The following PVT1 variants were observed in gnomAD, a reference collection of about 807,000 sequenced individuals.
PVT1 encodes the protein CXCR4/PVT1 fusion.
intron 3 of PVT1, among the ~76,000 whole-genome samples, chr8:127,905,722 T>A (rs182327443): frequency 9.2e-5 from 14 of 152,358 alleles, no homozygotes; most frequent in Admixed American, 3.9e-4. Flanking sequence ...TGTGAGGTTG[T>A]TGCTGTCACC....
intron 5 of PVT1, among the ~76,000 whole-genome samples, chr8:128,085,441 A>T (rs949514861): frequency 6.6e-6 from 1 of 152,200 alleles, no homozygotes; most frequent in Admixed American, 6.5e-5. Flanking sequence ...TAGTAATGAG[A>T]ACCCCACCTT....
At chr8:128,027,329 TC>T (rs1813315403) in intron 4 of PVT1, among the ~76,000 whole-genome samples, 1 of 152,136 alleles carries the variant, frequency 6.6e-6, no homozygotes, top group Non-Finnish European at 1.5e-5. Context: ...CTGTTTGAGG[TC>T]CCTGGAGAGT....
chr8:127,864,467 A>C (rs1246758439), intron 2 of PVT1, among the ~76,000 whole-genome samples: 1 of 151,780 alleles, frequency 6.6e-6, no homozygotes, highest in Non-Finnish European at 1.5e-5. Context: ...ATAAATGTTG[A>C]TTTCTCTCCC....
At chr8:127,912,110 C>T (rs970199246) in intron 3 of PVT1, among the ~76,000 whole-genome samples, 13 of 152,302 alleles carry the variant, frequency 8.5e-5, no homozygotes, top group African/African-American at 3.1e-4. Context: ...TTCTCCAGAT[C>T]CCACATGTGA....
At chr8:127,873,143 G>A (rs982667555) in intron 2 of PVT1, among the ~76,000 whole-genome samples, 23 of 152,164 alleles carry the variant, frequency 1.5e-4, no homozygotes, top group Admixed American at 2.6e-4. Flanking sequence ...CCCAAGACAA[G>A]GGCCTGCCTC....
At chr8:127,800,007 A>G (rs1428053899) in intron 2 of PVT1, among the ~76,000 whole-genome samples, 2 of 152,194 alleles carry the variant, frequency 1.3e-5, no homozygotes, top group African/African-American at 4.8e-5. Context: ...TGTCCCTCGG[A>G]TGTCAGACTG....
chr8:127,845,096 T>C (rs1815017710), intron 2 of PVT1, among the ~76,000 whole-genome samples: 1 of 152,072 alleles, frequency 6.6e-6, no homozygotes, highest in Admixed American at 6.6e-5. Flanking sequence ...GTGTTGGTTG[T>C]AGTAGTGGGG....
At chr8:128,098,128 C>T (rs982973410) in intron 6 of PVT1, among the ~76,000 whole-genome samples, 3 of 152,234 alleles carry the variant, frequency 2.0e-5, no homozygotes, top group Admixed American at 6.5e-5. Context: ...GCCTTCCCCC[C>T]GCCCCACCAT....
chr8:127,934,798 G>C (rs867386615), intron 3 of PVT1, among the ~76,000 whole-genome samples: 1 of 152,078 alleles, frequency 6.6e-6, no homozygotes, highest in Non-Finnish European at 1.5e-5. Flanking sequence ...ATGGTTTTTC[G>C]GAGGGCCTGG....
intron 3 of PVT1, among the ~76,000 whole-genome samples, chr8:127,973,488 A>G (rs1232044895): frequency 6.6e-6 from 1 of 152,154 alleles, no homozygotes; most frequent in East Asian, 1.9e-4. Flanking sequence ...AGTCAGAACT[A>G]GACTTAGGTC....
intron 4 of PVT1, among the ~76,000 whole-genome samples, chr8:128,020,397 A>G (rs866276909): frequency 6.6e-6 from 1 of 152,220 alleles, no homozygotes; most frequent in African/African-American, 2.4e-5. Flanking sequence ...GACTGTGATC[A>G]AGAAAATGCC....
intron 3 of PVT1, among the ~76,000 whole-genome samples, chr8:127,924,340 T>C (rs1178616424): frequency 6.6e-6 from 1 of 152,138 alleles, no homozygotes; most frequent in Non-Finnish European, 1.5e-5. Flanking sequence ...ATTTTTTTTG[T>C]TTGTTTGTTT....
At chr8:127,832,082 C>A (rs566768344) in intron 2 of PVT1, among the ~76,000 whole-genome samples, 3 of 152,046 alleles carry the variant, frequency 2.0e-5, no homozygotes, top group African/African-American at 7.2e-5. Context: ...AACTTAAAAA[C>A]GTCAAGTGTT....
intron 4 of PVT1, among the ~76,000 whole-genome samples, chr8:128,063,656 TA>T (rs773691952): frequency 6.9e-4 from 105 of 152,204 alleles, no homozygotes; most frequent in Non-Finnish European, 9.6e-4. Context: ...ATGTGAAATC[TA>T]AAAAAGTTGA....
chr8:127,861,774 C>T (rs1815231256), intron 2 of PVT1, among the ~76,000 whole-genome samples: 1 of 152,180 alleles, frequency 6.6e-6, no homozygotes, highest in Non-Finnish European at 1.5e-5. Flanking sequence ...CAAAGCCCCT[C>T]GCTAGTACCA....
At chr8:128,030,316 T>C (rs1036637159) in intron 4 of PVT1, among the ~76,000 whole-genome samples, 1 of 152,204 alleles carries the variant, frequency 6.6e-6, no homozygotes, top group Admixed American at 6.5e-5. Flanking sequence ...TTCATATATA[T>C]TTCATTTCAT....
chr8:127,820,236 A>G (rs769830861), intron 2 of PVT1, among the ~76,000 whole-genome samples: 1 of 151,986 alleles, frequency 6.6e-6, no homozygotes, highest in South Asian at 2.1e-4. Flanking sequence ...CATTCTGTTT[A>G]CTCCAGTAGG....
At chr8:128,066,709 A>G (rs1813915224) in intron 4 of PVT1, among the ~76,000 whole-genome samples, 1 of 152,202 alleles carries the variant, frequency 6.6e-6, no homozygotes, top group African/African-American at 2.4e-5. Context: ...CTCTGGTACC[A>G]CATGCCTGTC....
At chr8:127,827,187 G>T (rs927840950) in intron 2 of PVT1, among the ~76,000 whole-genome samples, 1 of 151,876 alleles carries the variant, frequency 6.6e-6, no homozygotes, top group Non-Finnish European at 1.5e-5. Context: ...TAGGGACGGG[G>T]TTTCTCCATG....
Sources: allele counts gnomAD v4.1 joint callset (sites outside exome capture counted in the v4.1 genomes callset), GRCh38; gene constraint gnomAD v4.1.1; transcripts MANE v1.5; gene names NCBI Gene and HGNC (gene_info 2026-07-23, HGNC 2026-07-21).